The following STPG2 variants were observed in gnomAD, a reference collection of about 807,000 sequenced individuals.
STPG2 encodes the protein sperm tail PG-rich repeat containing 2, also known as sperm-tail PG-rich repeat-containing protein 2.
Under a neutral mutation model 54.2 loss-of-function variants are expected in STPG2, and 56 were observed. The ratio of observed to expected loss-of-function variants is 1.03; its 90% CI spans 0.83 to 1.29. The LOEUF is 1.29. Ranked by LOEUF, STPG2 falls within the 50% of genes most tolerant of loss-of-function variation. The pLI is 0.00. For missense variants in STPG2, 596 were observed against 544.9 expected (o/e 1.09, Z -0.93); for synonymous variants, 200 against 181.8 (o/e 1.10, Z -0.81).
intron 9 of STPG2, among the ~76,000 whole-genome samples, chr4:97,736,163 T>C (rs1332075209): frequency 6.6e-6 from 1 of 152,108 alleles, no homozygotes; most frequent in African/African-American, 2.4e-5. Flanking sequence ...AGAACTATCA[T>C]ATGACCCAGC....
intron 6 of STPG2, 138 bp downstream of exon 6, chr4:97,981,021 C>T (rs527263851): frequency 2.0e-4 from 160 of 806,290 alleles, no homozygotes; most frequent in Non-Finnish European, 2.7e-4. Context: ...ATAGTGAATG[C>T]TTTAAAAAAT....
At chr4:98,138,165 T>G (rs909727015) in intron 1 of STPG2, among the ~76,000 whole-genome samples, 4 of 152,010 alleles carry the variant, frequency 2.6e-5, no homozygotes, top group Non-Finnish European at 4.4e-5. Context: ...AACTCTGCCC[T>G]CAAGTAGTGG....
intron 5 of STPG2, among the ~76,000 whole-genome samples, chr4:98,071,432 G>T (rs763592037): frequency 6.6e-6 from 1 of 150,928 alleles, no homozygotes; most frequent in African/African-American, 2.4e-5. Context: ...ATGGATTAAA[G>T]ATTTACATGA....
chr4:97,738,733 A>T (rs1412643162), intron 9 of STPG2, among the ~76,000 whole-genome samples: 3 of 152,144 alleles, frequency 2.0e-5, no homozygotes, highest in Non-Finnish European at 2.9e-5. Context: ...TGACCTACAA[A>T]GAGACTTAGA....
At chr4:97,878,345 C>T (rs566806773) in intron 8 of STPG2, among the ~76,000 whole-genome samples, 1 of 152,328 alleles carries the variant, frequency 6.6e-6, no homozygotes, top group Admixed American at 6.5e-5. Context: ...CCACATTTCC[C>T]TTCTGCACTG....
At chr4:97,871,162 T>C (rs923235505) in intron 8 of STPG2, among the ~76,000 whole-genome samples, 25 of 150,862 alleles carry the variant, frequency 1.7e-4, no homozygotes, top group Middle Eastern at 7.0e-3. Flanking sequence ...ATATAAAAAG[T>C]GGTGATTAAA....
chr4:98,081,512 T>C (rs952140932), intron 5 of STPG2, among the ~76,000 whole-genome samples: 1 of 152,170 alleles, frequency 6.6e-6, no homozygotes, highest in Non-Finnish European at 1.5e-5. Flanking sequence ...ATTTGGAGAA[T>C]CCCAGAATAA....
intron 4 of STPG2, among the ~76,000 whole-genome samples, chr4:97,447,942 G>A (rs900726475): frequency 4.6e-5 from 7 of 152,106 alleles, no homozygotes; most frequent in Non-Finnish European, 1.0e-4. Context: ...AAAGCTGCAG[G>A]CACTCAACAC....
At chr4:97,830,135 T>C (rs908699861) in intron 9 of STPG2, among the ~76,000 whole-genome samples, 1 of 152,136 alleles carries the variant, frequency 6.6e-6, no homozygotes, top group African/African-American at 2.4e-5. Flanking sequence ...AAAAGTCGCA[T>C]TATCCACAAA....
chr4:97,609,282 G>A (rs888868257), intron 10 of STPG2, among the ~76,000 whole-genome samples: 3 of 151,972 alleles, frequency 2.0e-5, no homozygotes, highest in African/African-American at 7.2e-5. Flanking sequence ...ACCTACTCCG[G>A]TAGTGGAAGT....
At chr4:97,984,376 C>G (rs1734767820) in intron 5 of STPG2, among the ~76,000 whole-genome samples, 1 of 152,102 alleles carries the variant, frequency 6.6e-6, no homozygotes, top group Non-Finnish European at 1.5e-5. Flanking sequence ...AACTGCTGAC[C>G]TCAAGTAACC....
intron 10 of STPG2, among the ~76,000 whole-genome samples, chr4:97,580,723 T>C (rs909594686): frequency 6.6e-6 from 1 of 152,064 alleles, no homozygotes; most frequent in Non-Finnish European, 1.5e-5. Context: ...TAGCTAAATA[T>C]TTAAGTGCAA....
At chr4:97,885,683 G>T (rs982441292) in intron 8 of STPG2, among the ~76,000 whole-genome samples, 1 of 152,128 alleles carries the variant, frequency 6.6e-6, no homozygotes, top group South Asian at 2.1e-4. Flanking sequence ...ATTCATGGAT[G>T]TGAATTCCAC....
At chr4:97,719,510 T>G (rs1724384813) in intron 9 of STPG2, among the ~76,000 whole-genome samples, 1 of 152,020 alleles carries the variant, frequency 6.6e-6, no homozygotes, top group South Asian at 2.1e-4. Context: ...TTTTGACCTC[T>G]AAACTACAAT....
chr4:97,832,897 G>T (rs1343599077), intron 9 of STPG2, among the ~76,000 whole-genome samples: 1 of 152,170 alleles, frequency 6.6e-6, no homozygotes, highest in East Asian at 1.9e-4. Flanking sequence ...CATGCTCATG[G>T]ATAGGAAGAA....
At chr4:97,855,491 T>C (rs942958902) in intron 8 of STPG2, among the ~76,000 whole-genome samples, 2 of 152,198 alleles carry the variant, frequency 1.3e-5, no homozygotes, top group Non-Finnish European at 2.9e-5. Flanking sequence ...TGTCTGTTCA[T>C]GTCCTTCGCC....
At chr4:97,910,656 T>C (rs1002818415) in intron 8 of STPG2, among the ~76,000 whole-genome samples, 7 of 151,998 alleles carry the variant, frequency 4.6e-5, no homozygotes, top group African/African-American at 1.7e-4. Context: ...ACTGAAAATG[T>C]ATAGAACGCA....
At chr4:97,840,749 C>T (rs11735193) in intron 9 of STPG2, 24 bp downstream of exon 9, 625,041 of 1,582,954 alleles carry the variant, frequency 0.39, 124,864 homozygotes, top group Middle Eastern at 0.44. Flanking sequence ...TTCCTCATAG[C>T]TTTATAAGGA....
intron 10 of STPG2, among the ~76,000 whole-genome samples, chr4:97,599,765 A>G (rs112441386): frequency 6.7e-6 from 1 of 150,246 alleles, no homozygotes; most frequent in African/African-American, 2.5e-5. Context: ...TGGAGCTTGC[A>G]GTGAGTGGAG....
Sources: allele counts gnomAD v4.1 joint callset (sites outside exome capture counted in the v4.1 genomes callset), GRCh38; gene constraint gnomAD v4.1.1; transcripts MANE v1.5; gene names NCBI Gene and HGNC (gene_info 2026-07-23, HGNC 2026-07-21).